The following DIP2B variants were observed in gnomAD, a reference collection of about 807,000 sequenced individuals.
DIP2B encodes the protein DIP2 acetate--CoA ligase B (putative), also known as disco-interacting protein 2 homolog B.
DIP2B carries 76 observed loss-of-function variants against 198.0 expected under a neutral mutation model. The observed-to-expected ratio is 0.38, with a 90% confidence interval of 0.32 to 0.46. The LOEUF is 0.46. DIP2B is among the 20% of genes least tolerant of loss of function. The probability of loss-of-function intolerance (pLI) is 0.99; values close to 1 mark genes in which losing one functional copy is unlikely to be tolerated. For synonymous variants in DIP2B, 701 were observed against 739.1 expected (o/e 0.95, Z 0.84); for missense variants, 1,559 against 1,978.4 (o/e 0.79, Z 4.02).
intron 1 of DIP2B, among the ~76,000 whole-genome samples, chr12:50,522,726 A>G (rs1336808430): frequency 3.3e-5 from 5 of 152,188 alleles, no homozygotes; most frequent in Admixed American, 6.5e-5. Flanking sequence ...ATTGAGAATG[A>G]CAAGGAATGT....
intron 1 of DIP2B, among the ~76,000 whole-genome samples, chr12:50,586,297 A>G (rs1958769851): frequency 6.6e-6 from 1 of 152,186 alleles, no homozygotes; most frequent in African/African-American, 2.4e-5. Context: ...AATGGATTGG[A>G]GGAGACAAGA....
At chr12:50,691,349 A>G (rs146838814) in intron 13 of DIP2B, among the ~76,000 whole-genome samples, 198 bp downstream of exon 13, 1 of 152,336 alleles carries the variant, frequency 6.6e-6, no homozygotes, top group East Asian at 1.9e-4. Flanking sequence ...GGGCAAACCA[A>G]AATGTAAAGC....
At chr12:50,631,627 T>C (rs546933575) in intron 2 of DIP2B, among the ~76,000 whole-genome samples, 4 of 152,132 alleles carry the variant, frequency 2.6e-5, no homozygotes, top group African/African-American at 9.6e-5. Flanking sequence ...GAGACAGAGT[T>C]TCACCATATT....
chr12:50,706,688 GT>G, intron 21 of DIP2B, 23 bp downstream of exon 21: 5 of 1,612,246 alleles, frequency 3.1e-6, no homozygotes, highest in Non-Finnish European at 3.4e-6. Flanking sequence ...AAATTCAAAT[GT>G]TAGCACCTTT....
chr12:50,729,227 G>A (rs148926718), intron 30 of DIP2B, among the ~76,000 whole-genome samples: 161 of 152,266 alleles, frequency 1.1e-3, no homozygotes, highest in African/African-American at 3.4e-3. Context: ...CAAGCTCAAC[G>A]TTCTCCTCCT....
At chr12:50,569,961 A>G (rs976899983) in intron 1 of DIP2B, among the ~76,000 whole-genome samples, 2 of 152,214 alleles carry the variant, frequency 1.3e-5, no homozygotes, top group African/African-American at 4.8e-5. Context: ...CTGTGTTGAC[A>G]TCTGTTGCAA....
intron 2 of DIP2B, among the ~76,000 whole-genome samples, chr12:50,633,792 C>G (rs747776247): frequency 1.3e-5 from 2 of 151,944 alleles, no homozygotes; most frequent in Admixed American, 6.6e-5. Context: ...TAACTTAATT[C>G]AGTAGCATCA....
At chr12:50,581,988 A>G (rs888032972) in intron 1 of DIP2B, among the ~76,000 whole-genome samples, 5 of 152,014 alleles carry the variant, frequency 3.3e-5, no homozygotes, top group Admixed American at 3.3e-4. Flanking sequence ...TCCTCGAGTT[A>G]GGCCCCCTTG....
At chr12:50,586,444 A>G (rs1280824516) in intron 1 of DIP2B, among the ~76,000 whole-genome samples, 1 of 152,180 alleles carries the variant, frequency 6.6e-6, no homozygotes, top group African/African-American at 2.4e-5. Flanking sequence ...GCTAAAACCT[A>G]TACTCCCAGT....
intron 1 of DIP2B, among the ~76,000 whole-genome samples, chr12:50,543,769 CA>C (rs1958348112): frequency 6.6e-6 from 1 of 151,052 alleles, no homozygotes; most frequent in South Asian, 2.1e-4. Context: ...ACTAATAATA[CA>C]AACATTAGCT....
At chr12:50,535,072 A>G (rs1335421089) in intron 1 of DIP2B, among the ~76,000 whole-genome samples, 1 of 151,974 alleles carries the variant, frequency 6.6e-6, no homozygotes, top group African/African-American at 2.4e-5. Flanking sequence ...CTACAAAACA[A>G]TATTAAAAAA....
At position 50,505,008 on chromosome 12, in the gene DIP2B, G is replaced by GGCC. The variant is rs1373253848; in HGVS notation, c.-131_-130insCGC. 1 of 876,116 alleles carries GGCC rather than the reference G, an allele frequency of 1.1e-6. No homozygotes were observed. The highest frequency in any genetic ancestry group is 1.7e-6 in the Non-Finnish European group (1 of 580,206). The allele number at this position is 876,116 out of a possible 1,614,324, so 54.3% of individuals were successfully genotyped here. On this transcript the variant is annotated 5_prime_UTR_variant, in exon 1 of 38. Coordinates refer to ENST00000301180, the MANE Select transcript of DIP2B (RefSeq NM_173602.3). ...TCACGTGACCTTTGCTCATGGCGGC[G>GGCC]GCGGCGGCGGCGGCGGTGCTGGTGG... is the stretch of plus-strand genomic sequence containing the variant.
At chr12:50,571,598 G>C (rs2139408442) in intron 1 of DIP2B, among the ~76,000 whole-genome samples, 1 of 137,046 alleles carries the variant, frequency 7.3e-6, no homozygotes, top group East Asian at 2.1e-4. Flanking sequence ...TGTCACCTAG[G>C]CTGGAGTGCA....
At position 50,671,287 on chromosome 12, in the gene DIP2B, C is replaced by T. The variant is rs368857987; in HGVS notation, c.529C>T (p.Arg177Cys). The T allele has an allele frequency of 1.7e-5, 28 of 1,614,168 alleles. No individual in the cohort carries two copies. Among genetic ancestry groups the T allele is most frequent in the Middle Eastern group, 1.6e-4 (1 of 6,062 alleles). Residue 177 changes from arginine (R) to cysteine (C), a missense_variant, in exon 5 of 38, where the codon CGT becomes TGT. By Grantham distance (180) the Arg-to-Cys change is radical (BLOSUM62 -3). Transcript: ENST00000301180. ...ACAGAATGCTGAGTCCTGGATCAAC[C>T]GTTCAATTCAGGGATCGTCCACTTC... ...SLQNAESWIN[R>C]SIQGSSTSSS...
At chr12:50,600,109 G>C (rs1426718437) in intron 1 of DIP2B, among the ~76,000 whole-genome samples, 1 of 152,192 alleles carries the variant, frequency 6.6e-6, no homozygotes, top group African/African-American at 2.4e-5. Context: ...ATGATGGTAA[G>C]TAATTAACTT....
In DIP2B at chr12:50,728,578, C is replaced by G; in HGVS notation, c.3541C>G (p.Arg1181Gly). 3.7e-6 allele frequency: 6 copies of G among 1,614,114 alleles called. No individual in the cohort carries two copies. Among genetic ancestry groups the G allele is most frequent in the Non-Finnish European group, 5.1e-6 (6 of 1,180,012 alleles). The change falls in exon 30 of 38, where the codon CGA becomes GGA. Residue 1181 changes from arginine (R) to glycine (G), a missense_variant. Coordinates refer to ENST00000301180, the MANE Select transcript of DIP2B (RefSeq NM_173602.3). ...MSHSAVNALCRAIKLQCELYS... is the reference protein window; with the variant it reads ...MSHSAVNALCGAIKLQCELYS... ...CCACTCTGCAGTGAACGCTCTGTGT[C>G]GAGCCATCAAGCTCCAGTGTGAGTT...
intron 3 of DIP2B, among the ~76,000 whole-genome samples, chr12:50,642,054 A>G (rs1938265497): frequency 6.6e-6 from 1 of 152,132 alleles, no homozygotes; most frequent in Non-Finnish European, 1.5e-5. Context: ...TACATCAGCT[A>G]TTTTGTGAGC....
chr12:50,734,904 C>CA (rs1220516762), intron 33 of DIP2B, among the ~76,000 whole-genome samples, 169 bp from the exon 34 acceptor site: 16 of 152,122 alleles, frequency 1.1e-4, no homozygotes, highest in Non-Finnish European at 2.1e-4. Flanking sequence ...CCCCTTTCAA[C>CA]AAAAAATTAT....
intron 25 of DIP2B, 36 bp from the exon 26 acceptor site, chr12:50,721,237 G>C (rs1045792250): frequency 1.3e-5 from 21 of 1,605,498 alleles, no homozygotes; most frequent in Admixed American, 3.4e-5. Context: ...TTTCCTTTCT[G>C]AGCTTTGACC....
Sources: allele counts gnomAD v4.1 joint callset (sites outside exome capture counted in the v4.1 genomes callset), GRCh38; gene constraint gnomAD v4.1.1; transcripts MANE v1.5; gene names NCBI Gene and HGNC (gene_info 2026-07-23, HGNC 2026-07-21).